RNF43: variants seen among roughly 807,000 people sequenced by gnomAD.
The protein encoded by RNF43 is E3 ubiquitin-protein ligase RNF43.
Under a neutral mutation model 78.4 loss-of-function variants are expected in RNF43, and 37 were observed. The ratio of observed to expected loss-of-function variants is 0.47; its 90% CI spans 0.36 to 0.62. The LOEUF (loss-of-function observed/expected upper bound fraction) is 0.62. Ranked by LOEUF, RNF43 falls within the 20% of genes least tolerant of loss-of-function variation. The probability of loss-of-function intolerance (pLI) is 0.00; values close to 1 mark genes in which losing one functional copy is unlikely to be tolerated. For missense variants in RNF43, 774 were observed against 1,007.9 expected (o/e 0.77, Z 3.14); for synonymous variants, 347 against 395.0 (o/e 0.88, Z 1.44).
In RNF43 at chr17:58,417,373, G is replaced by A. The variant is rs756279429; in HGVS notation, c.-742C>T. 4 of 152,188 alleles carry A rather than the reference G, an allele frequency of 2.6e-5. No homozygotes were observed. Among genetic ancestry groups the A allele is most frequent in the African/African-American group, 4.8e-5 (2 of 41,434 alleles). The allele number at this position is 152,188 out of a possible 1,614,324, so 9.4% of individuals were successfully genotyped here. On this transcript the variant is annotated 5_prime_UTR_variant, in exon 1 of 10. Coordinates refer to ENST00000407977, the MANE Select transcript of RNF43 (RefSeq NM_017763.6). ...CATATAAAATGATCAAGTCTTGAAA[G>A]AGAAAAGAAGCAAAGTAGCAAATAC...
At chr17:58,402,137 G>A (rs1973814685) in intron 2 of RNF43, among the ~76,000 whole-genome samples, 1 of 152,212 alleles carries the variant, frequency 6.6e-6, no homozygotes, top group African/African-American at 2.4e-5. Flanking sequence ...AAGTCTTTGT[G>A]ATTGATGATG....
chr17:58,357,674 C>G lies in RNF43; in HGVS notation c.2102G>C (p.Cys701Ser), dbSNP rs1972717987. Residue 701 changes from cysteine (C) to serine (S), a missense_variant, in exon 9 of 10, where the codon TGT becomes TCT. Coordinates refer to ENST00000407977, the MANE Select transcript of RNF43 (RefSeq NM_017763.6). This position sits in a 1 kb window ranked among gnomAD's most constrained non-coding sequence, Gnocchi z 4.5. Reference protein sequence around the residue: ...PWSPEAHPLICGPPGLDKRLL... With the variant: ...PWSPEAHPLISGPPGLDKRLL... ...CCTCTTGTCCAGGCCTGGAGGTCCACAGATCAAGGGGTGTGCCTCTGGGGA... is the reference window on the plus strand; with the variant it reads ...CCTCTTGTCCAGGCCTGGAGGTCCAGAGATCAAGGGGTGTGCCTCTGGGGA... The G allele has an allele frequency of 6.2e-7, 1 of 1,613,136 alleles. No individual in the cohort carries two copies. The highest frequency in any genetic ancestry group is 8.5e-7 in the Non-Finnish European group (1 of 1,179,486).
At chr17:58,404,566 C>G (rs990220950) in intron 2 of RNF43, among the ~76,000 whole-genome samples, 1 of 152,138 alleles carries the variant, frequency 6.6e-6, no homozygotes, top group Non-Finnish European at 1.5e-5. Flanking sequence ...CACAGTGGAT[C>G]GGTACATTCT....
At position 58,360,439 on chromosome 17, in the gene RNF43, CGTT is replaced by C. The variant is rs770734868; in HGVS notation, c.850-191_850-189del. ...CTGGATTTTGCACTTAGCTGCATGA[CGTT>C]GGGCAACTTTCTTAACAGACAGTTT... On this transcript the variant is annotated intron_variant, in intron 7 of 9. Coordinates refer to ENST00000407977, the MANE Select transcript of RNF43 (RefSeq NM_017763.6). The surrounding 1 kb of genome is among the most constrained non-coding windows in gnomAD (Gnocchi z 4.3). Among the ~76,000 whole-genome samples the C allele has an allele frequency of 1.3e-5, 2 of 152,292 alleles. No homozygotes were observed. Among genetic ancestry groups the C allele is most frequent in the South Asian group, 2.1e-4 (1 of 4,828 alleles).
Position 58,363,610 on chromosome 17 carries a change from C to A in RNF43, c.376-10G>T. 1 of 1,608,538 alleles carries A rather than the reference C, an allele frequency of 6.2e-7. No individual in the cohort carries two copies. Among genetic ancestry groups the A allele is most frequent in the Non-Finnish European group, 8.5e-7 (1 of 1,176,410 alleles). ...CACCCGCCATCCGAGCCTGCAGAGG[C>A]ACACAGTAGAGGTTGGGCTGAGGTC... On this transcript the variant is annotated splice_polypyrimidine_tract_variant and intron_variant, in intron 3 of 9. Coordinates refer to ENST00000407977, the MANE Select transcript of RNF43 (RefSeq NM_017763.6).
intron 2 of RNF43, among the ~76,000 whole-genome samples, chr17:58,374,088 G>A (rs1973155063): frequency 6.6e-6 from 1 of 151,962 alleles, no homozygotes; most frequent in African/African-American, 2.4e-5. Context: ...AACACTATCA[G>A]GTAGAGATTG....
chr17:58,391,754 G>C (rs182227880), intron 2 of RNF43, among the ~76,000 whole-genome samples: 56 of 152,244 alleles, frequency 3.7e-4, no homozygotes, highest in African/African-American at 1.3e-3. Context: ...GCACCTCATA[G>C]AGATGCCGAC....
intron 6 of RNF43, among the ~76,000 whole-genome samples, chr17:58,361,278 C>T (rs1445498944): frequency 1.3e-5 from 2 of 152,188 alleles, no homozygotes; most frequent in Non-Finnish European, 2.9e-5. Flanking sequence ...CATCTCCAAC[C>T]ACATACCTGT....
At chr17:58,391,387 C>G (rs561310994) in intron 2 of RNF43, among the ~76,000 whole-genome samples, 1 of 152,162 alleles carries the variant, frequency 6.6e-6, no homozygotes, top group East Asian at 1.9e-4. Flanking sequence ...AGGTGCAGAA[C>G]AAAAGGAAAT....
chr17:58,367,410 G>T (rs1274399481), intron 3 of RNF43, among the ~76,000 whole-genome samples: 1 of 152,210 alleles, frequency 6.6e-6, no homozygotes, highest in Non-Finnish European at 1.5e-5. Flanking sequence ...GTGGGAAACT[G>T]AGGCTCAGAG....
intron 3 of RNF43, 92 bp downstream of exon 3, chr17:58,370,819 T>G: frequency 7.3e-7 from 1 of 1,361,388 alleles, no homozygotes; most frequent in Non-Finnish European, 9.7e-7. Context: ...ACATCACTCT[T>G]AGGAAACATG....
chr17:58,390,100 T>C (rs1255382841), intron 2 of RNF43, among the ~76,000 whole-genome samples: 1 of 152,182 alleles, frequency 6.6e-6, no homozygotes, highest in African/African-American at 2.4e-5. Context: ...ATTTTATCCA[T>C]GCTCCTCCAA....
intron 2 of RNF43, among the ~76,000 whole-genome samples, chr17:58,403,282 T>G (rs538830304): frequency 2.0e-5 from 3 of 152,178 alleles, no homozygotes; most frequent in Non-Finnish European, 4.4e-5. Flanking sequence ...CAAGTTTGCA[T>G]TCAAAATAAA....
At chr17:58,412,555 C>A (rs980496129) in intron 2 of RNF43, among the ~76,000 whole-genome samples, 1 of 150,132 alleles carries the variant, frequency 6.7e-6, no homozygotes, top group Non-Finnish European at 1.5e-5. Flanking sequence ...CTTTTAATGC[C>A]CTTATACATA....
intron 2 of RNF43, among the ~76,000 whole-genome samples, chr17:58,407,886 G>A (rs961762892): frequency 2.6e-5 from 4 of 152,146 alleles, no homozygotes; most frequent in Middle Eastern, 3.2e-3. Flanking sequence ...TAAAATATCC[G>A]TTATTCTTAA....
chr17:58,389,639 CA>C, intron 2 of RNF43, among the ~76,000 whole-genome samples: 1 of 152,278 alleles, frequency 6.6e-6, no homozygotes, highest in East Asian at 1.9e-4. Context: ...GGTAGAAGAA[CA>C]GGGGCTTCTT....
intron 8 of RNF43, among the ~76,000 whole-genome samples, chr17:58,359,380 A>T (rs866797784): frequency 4.8e-4 from 71 of 148,548 alleles, no homozygotes; most frequent in African/African-American, 1.7e-3. Flanking sequence ...GCGGGTCACA[A>T]GGTCAGGAGA....
chr17:58,353,074 G>T (rs762988399), downstream of RNF43: 16 of 210,180 alleles, frequency 7.6e-5, no homozygotes, highest in Non-Finnish European at 1.4e-4. Context: ...CCCGAGTGCA[G>T]GCAGAACGCA....
intron 2 of RNF43, among the ~76,000 whole-genome samples, chr17:58,379,296 GT>G (rs1471118431): frequency 6.6e-6 from 1 of 152,144 alleles, no homozygotes; most frequent in Non-Finnish European, 1.5e-5. Flanking sequence ...TCTGCTCCTT[GT>G]GCTCTGCCTC....
Sources: allele counts gnomAD v4.1 joint callset (sites outside exome capture counted in the v4.1 genomes callset), GRCh38; gene constraint gnomAD v4.1.1; non-coding constraint Gnocchi (gnomAD v3.1); transcripts MANE v1.5; gene names NCBI Gene and HGNC (gene_info 2026-07-23, HGNC 2026-07-21).